The following RANBP2 variants were observed in gnomAD, a reference collection of about 807,000 sequenced individuals.
RANBP2 encodes E3 SUMO-protein ligase RanBP2.
In RANBP2, 57 loss-of-function variants were observed where a neutral mutation model predicts 303.6. That is an observed-to-expected ratio of 0.19 (90% CI 0.15 to 0.23). The LOEUF (loss-of-function observed/expected upper bound fraction) is 0.23, where lower values mean the gene tolerates loss of function less well. RANBP2 is among the 10% of genes least tolerant of loss of function. The pLI is 1.00. For missense variants in RANBP2, 3,138 were observed against 3,780.8 expected (o/e 0.83, Z 4.46); for synonymous variants, 1,167 against 1,301.5 (o/e 0.90, Z 2.23).
At chr2:109,580,349 CAAA>C in the RANBP2 span, among the ~76,000 whole-genome samples, 105 of 135,912 alleles carry the variant, frequency 7.7e-4, no homozygotes, top group Middle Eastern at 3.7e-3. Flanking sequence ...CCATAAAATG[CAAA>C]AAAAAAAAAA....
the RANBP2 span, among the ~76,000 whole-genome samples, chr2:109,676,538 G>A: frequency 6.6e-6 from 1 of 152,198 alleles, no homozygotes; most frequent in Non-Finnish European, 1.5e-5. Flanking sequence ...ACCCTGAGAT[G>A]ACTGAGGCAG....
chr2:109,535,247 C>A, the RANBP2 span, among the ~76,000 whole-genome samples: 1 of 152,152 alleles, frequency 6.6e-6, no homozygotes, highest in African/African-American at 2.4e-5. Context: ...TCCTTTATTT[C>A]TAAACATTTT....
At chr2:108,741,733 C>G (rs1342699597) in intron 7 of RANBP2, among the ~76,000 whole-genome samples, 5 of 148,650 alleles carry the variant, frequency 3.4e-5, no homozygotes, top group Non-Finnish European at 7.4e-5. Context: ...AGGATGGTCT[C>G]AATCTCCTGA....
At chr2:109,618,487 A>G in the RANBP2 span, 6 of 167,190 alleles carry the variant, frequency 3.6e-5, 1 homozygote, top group African/African-American at 1.4e-4. Flanking sequence ...TTCTGATAAA[A>G]TAATATTTTA....
chr2:108,973,229 C>T, the RANBP2 span, among the ~76,000 whole-genome samples: 1 of 152,226 alleles, frequency 6.6e-6, no homozygotes, highest in Non-Finnish European at 1.5e-5. Flanking sequence ...ATCAGGTGTT[C>T]TGCCTGCTTC....
the RANBP2 span, among the ~76,000 whole-genome samples, chr2:109,474,514 C>T: frequency 6.6e-6 from 1 of 152,142 alleles, no homozygotes; most frequent in African/African-American, 2.4e-5. Flanking sequence ...AGTGGGAGGC[C>T]CTCAGTTGGC....
the RANBP2 span, chr2:109,564,540 CAA>C: frequency 7.7e-6 from 11 of 1,436,256 alleles, no homozygotes; most frequent in South Asian, 3.1e-5. Flanking sequence ...TTCCACTAGC[CAA>C]AAAAAAATAA....
the RANBP2 span, among the ~76,000 whole-genome samples, chr2:108,893,717 A>G: frequency 6.6e-6 from 1 of 152,210 alleles, no homozygotes; most frequent in South Asian, 2.1e-4. Context: ...CACAAAGGCC[A>G]TGACAATCTT....
the RANBP2 span, among the ~76,000 whole-genome samples, chr2:109,763,365 C>T: frequency 3.3e-5 from 5 of 150,396 alleles, no homozygotes; most frequent in South Asian, 1.1e-3. Flanking sequence ...GGGTAACCTG[C>T]CCAGAGTCAC....
the RANBP2 span, among the ~76,000 whole-genome samples, chr2:109,072,728 C>T: frequency 6.6e-6 from 1 of 152,210 alleles, no homozygotes; most frequent in African/African-American, 2.4e-5. Flanking sequence ...AGGAGATAAA[C>T]TTCTGCTCTT....
At chr2:108,833,245 CT>C in the RANBP2 span, among the ~76,000 whole-genome samples, 1 of 152,104 alleles carries the variant, frequency 6.6e-6, no homozygotes, top group African/African-American at 2.4e-5. Context: ...AAACTATAGA[CT>C]TTAGTTAATC....
downstream of RANBP2, chr2:108,787,930 C>A: frequency 1.0e-6 from 1 of 1,002,236 alleles, no homozygotes; most frequent in Non-Finnish European, 1.4e-6. Context: ...CAAGATTTCT[C>A]CACTCTAACC....
At chr2:109,117,542 C>T in the RANBP2 span, among the ~76,000 whole-genome samples, 1 of 152,354 alleles carries the variant, frequency 6.6e-6, no homozygotes, top group South Asian at 2.1e-4. Context: ...TTTGTCACCC[C>T]CTTCTTTGAC....
At chr2:109,344,003 C>G in the RANBP2 span, among the ~76,000 whole-genome samples, 1 of 152,176 alleles carries the variant, frequency 6.6e-6, no homozygotes, top group Non-Finnish European at 1.5e-5. Context: ...CTCAGCCTCC[C>G]AAAGTGCTAA....
chr2:109,566,510 T>C, the RANBP2 span, among the ~76,000 whole-genome samples: 104 of 152,304 alleles, frequency 6.8e-4, no homozygotes, highest in African/African-American at 2.4e-3. Flanking sequence ...ACCCACAGTA[T>C]ACAAAATGTA....
At chr2:108,871,180 T>C in the RANBP2 span, among the ~76,000 whole-genome samples, 2 of 151,968 alleles carry the variant, frequency 1.3e-5, no homozygotes, top group African/African-American at 4.8e-5. Context: ...TACATGTTAT[T>C]TAATGAAATA....
chr2:108,809,023 A>G, the RANBP2 span, among the ~76,000 whole-genome samples: 2 of 152,222 alleles, frequency 1.3e-5, no homozygotes, highest in East Asian at 1.9e-4. Context: ...GTCTAGTTTT[A>G]TTCTTAGGCA....
chr2:109,379,508 C>T, the RANBP2 span, among the ~76,000 whole-genome samples: 2 of 152,094 alleles, frequency 1.3e-5, no homozygotes, highest in African/African-American at 4.8e-5. Context: ...GTCAGGACAC[C>T]CTGATGATGC....
At chr2:109,344,738 C>A in the RANBP2 span, among the ~76,000 whole-genome samples, 64 of 152,142 alleles carry the variant, frequency 4.2e-4, 1 homozygote, top group African/African-American at 1.5e-3. Flanking sequence ...AGTGCCCAGG[C>A]CAAGGGAAAG....
Sources: gnomAD v4.1 joint callset for allele counts (sites outside exome capture counted in the v4.1 genomes callset) on GRCh38, gnomAD v4.1.1 for gene constraint, MANE v1.5 for transcripts, NCBI Gene and HGNC (gene_info 2026-07-23, HGNC 2026-07-21) for gene names.